Variants in DDC observed in about 807,000 individuals in gnomAD.
DDC encodes the protein aromatic-L-amino-acid decarboxylase.
Under a neutral mutation model 60.0 loss-of-function variants are expected in DDC, and 43 were observed. The ratio of observed to expected loss-of-function variants is 0.72; its 90% confidence interval spans 0.56 to 0.92. The LOEUF (loss-of-function observed/expected upper bound fraction) is 0.92. Ranked by LOEUF, DDC falls within the 40% of genes least tolerant of loss-of-function variation. DDC has a pLI of 0.00. For synonymous variants in DDC, 232 were observed against 234.6 expected (o/e 0.99, Z 0.10); for missense variants, 573 against 620.2 (o/e 0.92, Z 0.81).
At chr7:50,483,756 T>C (rs2042820888) in intron 9 of DDC, among the ~76,000 whole-genome samples, 2 of 151,960 alleles carry the variant, frequency 1.3e-5, no homozygotes, top group African/African-American at 4.8e-5. Context: ...CAAAAAAAAT[T>C]AGCTGGGCAT....
At chr7:50,495,649 G>T (rs2043111820) in intron 8 of DDC, among the ~76,000 whole-genome samples, 1 of 152,048 alleles carries the variant, frequency 6.6e-6, no homozygotes, top group Non-Finnish European at 1.5e-5. Flanking sequence ...GTGGGTATAT[G>T]TATTTAGAGT....
chr7:50,471,129 C>T (rs947940922), intron 11 of DDC, among the ~76,000 whole-genome samples: 3 of 152,156 alleles, frequency 2.0e-5, no homozygotes, highest in Non-Finnish European at 2.9e-5. Flanking sequence ...CGGTGGCTCA[C>T]GCCTGTAACC....
At chr7:50,561,988 C>A (rs533270449) in intron 1 of DDC, among the ~76,000 whole-genome samples, 2 of 152,310 alleles carry the variant, frequency 1.3e-5, no homozygotes, top group South Asian at 4.1e-4. Context: ...CATGCACACA[C>A]ACACATACCT....
chr7:50,528,957 G>A (rs2044118921), intron 5 of DDC, among the ~76,000 whole-genome samples: 1 of 152,092 alleles, frequency 6.6e-6, no homozygotes, highest in Non-Finnish European at 1.5e-5. Context: ...CACAACAGAA[G>A]TCCGCACTGG....
chr7:50,547,455 G>A (rs553019549), intron 1 of DDC, among the ~76,000 whole-genome samples: 1 of 152,212 alleles, frequency 6.6e-6, no homozygotes, highest in Admixed American at 6.5e-5. Flanking sequence ...GATCTCAAGT[G>A]TTCTGTCTGC....
At chr7:50,468,883 G>A (rs11575505) in intron 12 of DDC, among the ~76,000 whole-genome samples, 4,872 of 151,684 alleles carry the variant, frequency 0.032, 150 homozygotes, top group African/African-American at 0.079. Flanking sequence ...CTGGCTAAAC[G>A]GGTGGCTCTA....
intron 8 of DDC, among the ~76,000 whole-genome samples, chr7:50,497,401 G>C (rs2043149810): frequency 6.6e-6 from 1 of 152,176 alleles, no homozygotes. Context: ...AAGAGCAGTG[G>C]TAGGAAAAGA....
At chr7:50,511,049 C>CTATA (rs146390731) in intron 6 of DDC, among the ~76,000 whole-genome samples, 201 of 83,640 alleles carry the variant, frequency 2.4e-3, no homozygotes, top group African/African-American at 4.9e-3. Flanking sequence ...TAGGATATAT[C>CTATA]TATACACACA....
intron 6 of DDC, among the ~76,000 whole-genome samples, chr7:50,517,087 T>A (rs2043754098): frequency 6.6e-6 from 1 of 152,108 alleles, no homozygotes; most frequent in African/African-American, 2.4e-5. Context: ...AGAATCACCC[T>A]AACACCAAAA....
intron 13 of DDC, 64 bp from the exon 14 acceptor site, chr7:50,463,495 T>A: frequency 7.1e-7 from 1 of 1,414,430 alleles, no homozygotes; most frequent in Non-Finnish European, 1.0e-6. Flanking sequence ...CAACTGGTCA[T>A]GTAGGAAAGA....
chr7:50,499,440 A>T (rs1340851418), intron 7 of DDC, among the ~76,000 whole-genome samples, 198 bp from the exon 8 acceptor site: 9 of 152,142 alleles, frequency 5.9e-5, no homozygotes, highest in Non-Finnish European at 1.2e-4. Context: ...CTGGCCCCAG[A>T]CACACCAGGG....
Position 50,472,012 on chromosome 7 carries a change from A to G in DDC, c.1042-1841T>C, listed in dbSNP as rs373954253. On this transcript the variant is annotated intron_variant, in intron 11 of 14. Coordinates refer to ENST00000444124, the MANE Select transcript of DDC (RefSeq NM_001082971.2). ...ACTTAATTTCTGTGGTCCCGGAGTG[A>G]AAATGCACACAATCTAATTGAATGC... Among the ~76,000 whole-genome samples, 43 of 152,348 alleles carry G rather than the reference A, an allele frequency of 2.8e-4. No homozygotes were observed. The East Asian group carries it at 7.5e-3, about 27-fold the overall frequency.
chr7:50,462,393 ATG>A, intron 14 of DDC, among the ~76,000 whole-genome samples: 2 of 152,118 alleles, frequency 1.3e-5, no homozygotes, highest in African/African-American at 4.8e-5. Context: ...TTTATTTAAA[ATG>A]TGTGCTTTGT....
chr7:50,550,180 T>A (rs1013145319), intron 1 of DDC, among the ~76,000 whole-genome samples: 3 of 152,178 alleles, frequency 2.0e-5, no homozygotes, highest in African/African-American at 7.2e-5. Flanking sequence ...CTACCATAAC[T>A]TTCAGGTACT....
chr7:50,505,832 C>T (rs74987058), intron 6 of DDC, among the ~76,000 whole-genome samples: 2,338 of 152,374 alleles, frequency 0.015, 35 homozygotes, highest in Middle Eastern at 0.061. Context: ...GGGAGTCAGT[C>T]CCCCAAGGGG....
At chr7:50,559,479 G>A (rs1448404810) in intron 1 of DDC, among the ~76,000 whole-genome samples, 1 of 150,402 alleles carries the variant, frequency 6.6e-6, no homozygotes. Context: ...CCAGGCTGCA[G>A]TGCAATGGCA....
intron 8 of DDC, among the ~76,000 whole-genome samples, chr7:50,496,894 A>T (rs923018948): frequency 1.3e-5 from 2 of 152,206 alleles, no homozygotes; most frequent in African/African-American, 2.4e-5. Context: ...TTGGTGGATG[A>T]CAACTTTCCA....
At chr7:50,472,140 C>T (rs2042546740) in intron 11 of DDC, among the ~76,000 whole-genome samples, 1 of 152,144 alleles carries the variant, frequency 6.6e-6, no homozygotes. Flanking sequence ...CAGTAGACAG[C>T]TGTGACCCCT....
chr7:50,495,242 A>G (rs2043102549), intron 9 of DDC, 108 bp downstream of exon 9: 1 of 796,446 alleles, frequency 1.3e-6, no homozygotes, highest in Admixed American at 1.8e-5. Context: ...GGCAGCAAGC[A>G]GTGAGCTAAG....
Sources: allele counts gnomAD v4.1 joint callset (sites outside exome capture counted in the v4.1 genomes callset), GRCh38; gene constraint gnomAD v4.1.1; transcripts MANE v1.5; gene names NCBI Gene and HGNC (gene_info 2026-07-23, HGNC 2026-07-21).